USP32: variants seen among roughly 807,000 people sequenced by gnomAD.
The protein encoded by USP32 is ubiquitin carboxyl-terminal hydrolase 32.
Under a neutral mutation model 204.8 loss-of-function variants are expected in USP32, and 59 were observed. The observed-to-expected ratio is 0.29, with a 90% CI of 0.23 to 0.36. The LOEUF (loss-of-function observed/expected upper bound fraction) is 0.36. Ranked by LOEUF, USP32 falls within the 10% of genes least tolerant of loss-of-function variation. USP32 has a pLI of 1.00. For synonymous variants in USP32, 517 were observed against 678.4 expected (o/e 0.76, Z 3.70); for missense variants, 1,160 against 1,946.4 (o/e 0.60, Z 7.60).
chr17:60,218,087 A>G (rs1205004530), intron 16 of USP32, among the ~76,000 whole-genome samples: 1 of 152,222 alleles, frequency 6.6e-6, no homozygotes, highest in Non-Finnish European at 1.5e-5. Context: ...TTTGGTAGAC[A>G]GGGGCCAATG....
intron 21 of USP32, among the ~76,000 whole-genome samples, chr17:60,210,316 T>C (rs1598069641): frequency 6.6e-6 from 1 of 152,106 alleles, no homozygotes; most frequent in East Asian, 1.9e-4. Flanking sequence ...TTCTACTTTT[T>C]TTTTTTCTTT....
At chr17:60,278,764 AAAGAG>A (rs1368994859) in intron 5 of USP32, among the ~76,000 whole-genome samples, 1 of 152,230 alleles carries the variant, frequency 6.6e-6, no homozygotes, top group Admixed American at 6.5e-5. Flanking sequence ...TAGACATTTC[AAAGAG>A]AAGATGACTT....
chr17:60,412,676 T>C (rs1276979452), intron 1 of USP32, among the ~76,000 whole-genome samples: 1 of 151,090 alleles, frequency 6.6e-6, no homozygotes, highest in African/African-American at 2.4e-5. Context: ...AGGGAGGGAG[T>C]GGGGTACAAA....
chr17:60,377,066 C>T (rs1241043456), intron 1 of USP32, among the ~76,000 whole-genome samples: 1 of 152,092 alleles, frequency 6.6e-6, no homozygotes, highest in African/African-American at 2.4e-5. Context: ...CCTTTTTCGG[C>T]CAATATTTAC....
chr17:60,392,606 G>C (rs762289592), upstream of USP32: 1 of 451,176 alleles, frequency 2.2e-6, no homozygotes, highest in African/African-American at 2.0e-5. Context: ...ATGGGGTTCT[G>C]AGGGATGCGG....
intron 1 of USP32, among the ~76,000 whole-genome samples, chr17:60,415,270 T>G (rs1032333803): frequency 6.6e-6 from 1 of 152,178 alleles, no homozygotes; most frequent in African/African-American, 2.4e-5. Flanking sequence ...GTCAAATATC[T>G]TACTGGCCTT....
chr17:60,413,440 C>T (rs1286234554), intron 1 of USP32, among the ~76,000 whole-genome samples: 1 of 152,082 alleles, frequency 6.6e-6, no homozygotes, highest in Non-Finnish European at 1.5e-5. Flanking sequence ...TAGGCTAAGT[C>T]ATAAACCAGT....
chr17:60,289,132 T>C (rs926292212), intron 4 of USP32, among the ~76,000 whole-genome samples: 2 of 152,110 alleles, frequency 1.3e-5, no homozygotes, highest in African/African-American at 2.4e-5. Flanking sequence ...CTCAGCCTCC[T>C]GAGTAGCTGG....
At chr17:60,200,099 C>T (rs940470133) in intron 26 of USP32, among the ~76,000 whole-genome samples, 24 of 152,122 alleles carry the variant, frequency 1.6e-4, no homozygotes, top group African/African-American at 5.8e-4. Context: ...GAGGCTGAGG[C>T]AGGAGAATCA....
At chr17:60,284,588 G>A (rs999932043) in intron 5 of USP32, among the ~76,000 whole-genome samples, 2 of 152,094 alleles carry the variant, frequency 1.3e-5, no homozygotes, top group African/African-American at 4.8e-5. Context: ...AAAAAAAGAT[G>A]ATTTTCAAAT....
chr17:60,249,840 A>C (rs761101248), intron 11 of USP32: 1 of 658,354 alleles, frequency 1.5e-6, no homozygotes, highest in East Asian at 2.8e-5. Flanking sequence ...GCCATTCCAG[A>C]AATCACGATA....
chr17:60,327,426 C>T (rs1332110847), intron 2 of USP32, among the ~76,000 whole-genome samples: 1 of 144,658 alleles, frequency 6.9e-6, no homozygotes, highest in African/African-American at 2.5e-5. Context: ...GGGGGGGAGG[C>T]GGAGCTGGGC....
chr17:60,304,964 G>A (rs1598221021), intron 2 of USP32: 1 of 152,132 alleles, frequency 6.6e-6, no homozygotes, highest in South Asian at 2.1e-4. Flanking sequence ...TTTTAGGGCT[G>A]GGGGAAACCA....
At chr17:60,222,595 G>C (rs2085279943) in intron 14 of USP32, 46 bp from the exon 15 acceptor site, 2 of 1,566,650 alleles carry the variant, frequency 1.3e-6, no homozygotes, top group Non-Finnish European at 1.7e-6. Context: ...TATTACAAAA[G>C]TTTTTGGGTC....
chr17:60,322,371 T>G (rs72843534), intron 2 of USP32, among the ~76,000 whole-genome samples: 1,585 of 152,286 alleles, frequency 0.01, 14 homozygotes, highest in Non-Finnish European at 0.016. Flanking sequence ...TAATAAGCAT[T>G]ATACTAAAAG....
At chr17:60,398,257 A>G (rs1027063328) in intron 1 of USP32, among the ~76,000 whole-genome samples, 1 of 152,130 alleles carries the variant, frequency 6.6e-6, no homozygotes, top group African/African-American at 2.4e-5. Flanking sequence ...TTAGCTAGGC[A>G]CAGTGGTGTA....
At chr17:60,408,631 C>T (rs1350464313) in intron 1 of USP32, among the ~76,000 whole-genome samples, 1 of 151,912 alleles carries the variant, frequency 6.6e-6, no homozygotes, top group African/African-American at 2.4e-5. Context: ...GCCCACCTCA[C>T]CCTCCCAAAG....
At position 60,211,438 on chromosome 17, in the gene USP32, A is replaced by G. The variant is rs751843015; in HGVS notation, c.2256T>C (p.Val752=). Residue 752 remains valine (V), a synonymous_variant, in exon 20 of 34, where the codon GTT becomes GTC. Transcript: ENST00000300896. ...ACTGTGTCAGTGGCTGTGTGTTACT[A>G]ACACACTGGATGCTTGAGTTCATGA... ...TCFMNSSIQC[V]SNTQPLTQYF... is the part of the protein sequence containing the mutation. 74 of 1,613,706 alleles carry G rather than the reference A, an allele frequency of 4.6e-5. No individual in the cohort carries two copies. Among genetic ancestry groups the G allele is most frequent in the Non-Finnish European group, 6.3e-5 (74 of 1,179,810 alleles).
intron 5 of USP32, among the ~76,000 whole-genome samples, chr17:60,281,139 T>G (rs552846315): frequency 6.6e-6 from 1 of 152,226 alleles, no homozygotes; most frequent in Non-Finnish European, 1.5e-5. Flanking sequence ...ATTTGAAAAT[T>G]TGCTTGATCC....
Sources: allele counts gnomAD v4.1 joint callset (sites outside exome capture counted in the v4.1 genomes callset), GRCh38; gene constraint gnomAD v4.1.1; transcripts MANE v1.5; gene names NCBI Gene and HGNC (gene_info 2026-07-23, HGNC 2026-07-21).